Variants in SLC35F4 observed in about 807,000 individuals in gnomAD.
SLC35F4 encodes chromosome 14 open reading frame 36.
Under a neutral mutation model 44.2 loss-of-function variants are expected in SLC35F4, and 24 were observed. The ratio of observed to expected loss-of-function variants is 0.54; its 90% CI spans 0.39 to 0.76. The LOEUF (loss-of-function observed/expected upper bound fraction) is 0.76, where lower values mean the gene tolerates loss of function less well. Among genes scored for constraint, SLC35F4 ranks in the 30% least tolerant of loss-of-function variants. SLC35F4 has a pLI of 0.00. For missense variants in SLC35F4, 562 were observed against 586.1 expected, an observed-to-expected ratio of 0.96 and a Z score of 0.42; for synonymous variants, 238 against 223.6, an observed-to-expected ratio of 1.06 and a Z score of -0.57.
intron 1 of SLC35F4, among the ~76,000 whole-genome samples, chr14:57,880,984 ATT>A (rs1205211662): frequency 6.6e-6 from 1 of 152,178 alleles, no homozygotes; most frequent in African/African-American, 2.4e-5. Context: ...ATAATCAGAG[ATT>A]TGTTTGTTTG....
At chr14:57,930,754 G>C (rs976401904) in intron 1 of SLC35F4, among the ~76,000 whole-genome samples, 1 of 152,184 alleles carries the variant, frequency 6.6e-6, no homozygotes, top group Non-Finnish European at 1.5e-5. Context: ...AAATTCCTGA[G>C]GATGGAATTT....
rs548023723 is a variant in SLC35F4, at chr14:57,811,488, C to G, written c.103+54235G>C. Among the ~76,000 whole-genome samples, 7 of 152,140 alleles carry G rather than the reference C, an allele frequency of 4.6e-5. No individual in the cohort carries two copies. The South Asian group carries it at 8.3e-4, about 18-fold the overall frequency. On this transcript the variant is annotated intron_variant, in intron 1 of 7. Coordinates refer to ENST00000556826, the MANE Select transcript of SLC35F4 (RefSeq NM_001306087.2). Reference sequence around the variant, plus strand: ...TCCCCTTTCCACCTTCAAAGGACCACCACAGATGTGGAAGACGTGGTATTC... The same window carrying G: ...TCCCCTTTCCACCTTCAAAGGACCAGCACAGATGTGGAAGACGTGGTATTC...
chr14:57,779,817 A>G (rs2077574227), intron 1 of SLC35F4, among the ~76,000 whole-genome samples: 1 of 152,222 alleles, frequency 6.6e-6, no homozygotes, highest in Non-Finnish European at 1.5e-5. Flanking sequence ...GCATAAACAG[A>G]ACTAAAGACA....
In SLC35F4 at chr14:57,564,126, T is replaced by C; in HGVS notation, c.*9A>G. ...TATACATACACGTGCATTCAAAATA[T>C]GTCCCTCTCTAAGCCAGTGGTATAG... On this transcript the variant is annotated 3_prime_UTR_variant, in exon 8 of 8. Transcript: ENST00000556826. 1 of 1,613,346 alleles carries C rather than the reference T, an allele frequency of 6.2e-7. No homozygotes were observed.
At chr14:57,790,301 G>C (rs896659656) in intron 1 of SLC35F4, among the ~76,000 whole-genome samples, 9 of 152,024 alleles carry the variant, frequency 5.9e-5, no homozygotes, top group Middle Eastern at 3.2e-3. Context: ...AAAGTCTCAG[G>C]ATACAAAATC....
At chr14:57,925,782 A>T (rs181316014) in intron 1 of SLC35F4, among the ~76,000 whole-genome samples, 225 of 152,258 alleles carry the variant, frequency 1.5e-3, no homozygotes, top group Non-Finnish European at 2.7e-3. Context: ...AACAATACAT[A>T]AAAAAACCCA....
chr14:57,860,284 T>C (rs571465885), intron 1 of SLC35F4, among the ~76,000 whole-genome samples: 18 of 152,154 alleles, frequency 1.2e-4, no homozygotes, highest in Admixed American at 1.1e-3. Context: ...TAGAACCTGA[T>C]CACTAATGGA....
chr14:57,603,769 T>G (rs1397922971), intron 1 of SLC35F4, among the ~76,000 whole-genome samples: 1 of 152,214 alleles, frequency 6.6e-6, no homozygotes, highest in Non-Finnish European at 1.5e-5. Flanking sequence ...TTCATTTTGC[T>G]TAACAGCCCT....
intron 1 of SLC35F4, among the ~76,000 whole-genome samples, chr14:57,978,311 C>T (rs1218470920): frequency 6.6e-6 from 1 of 152,166 alleles, no homozygotes; most frequent in African/African-American, 2.4e-5. Context: ...CTGAAGACAG[C>T]TGTGATCTGT....
At chr14:57,767,667 AAAGAT>A (rs1397625521) in intron 1 of SLC35F4, among the ~76,000 whole-genome samples, 11 of 152,156 alleles carry the variant, frequency 7.2e-5, no homozygotes, top group South Asian at 2.1e-4. Flanking sequence ...AGATGGAAAT[AAAGAT>A]AATAGAATAA....
At chr14:57,928,137 T>C (rs1014689500) in intron 1 of SLC35F4, among the ~76,000 whole-genome samples, 2 of 151,712 alleles carry the variant, frequency 1.3e-5, no homozygotes, top group East Asian at 1.9e-4. Context: ...ATCCTTACCA[T>C]GCTATAATGA....
Position 57,949,649 on chromosome 14 carries a change from T to A in SLC35F4, n.282+32264A>T, listed in dbSNP as rs1890099430. On this transcript the variant is annotated intron_variant and non_coding_transcript_variant, in intron 1 of 1. Transcript: ENST00000556568. Reference sequence around the variant, plus strand: ...TGAGATTTAAGCTTTAAGAAGGTTCTATTTTGGTGTACTCTGAGGTTTTCT... The same window carrying A: ...TGAGATTTAAGCTTTAAGAAGGTTCAATTTTGGTGTACTCTGAGGTTTTCT... 2.0e-5 allele frequency among the ~76,000 whole-genome samples: 3 copies of A among 152,220 alleles called. 1 individual carries two copies. In the South Asian group the frequency reaches 6.2e-4, roughly 32 times the overall value.
At chr14:57,965,828 A>G (rs1413256382) in intron 1 of SLC35F4, among the ~76,000 whole-genome samples, 12 of 152,224 alleles carry the variant, frequency 7.9e-5, no homozygotes, top group Admixed American at 7.8e-4. Flanking sequence ...AAGTATGCCC[A>G]AAGATGTTTA....
chr14:57,964,981 A>G (rs958044948), intron 1 of SLC35F4, among the ~76,000 whole-genome samples: 2 of 120,738 alleles, frequency 1.7e-5, no homozygotes, highest in Non-Finnish European at 3.2e-5. Flanking sequence ...GGGGAAAAAA[A>G]AAAAAAAAAA....
intron 1 of SLC35F4, among the ~76,000 whole-genome samples, chr14:57,674,142 CA>C (rs1248354291): frequency 6.6e-6 from 1 of 151,726 alleles, no homozygotes; most frequent in African/African-American, 2.4e-5. Flanking sequence ...TAGAGAAATG[CA>C]AATTAAAACC....
chr14:57,888,025 A>T (rs150782645), intron 1 of SLC35F4, among the ~76,000 whole-genome samples: 2 of 152,282 alleles, frequency 1.3e-5, no homozygotes, highest in Middle Eastern at 3.4e-3. Flanking sequence ...AGCCGCTGGC[A>T]TCTCAGTTAA....
At chr14:57,624,380 A>G (rs1419732953) in intron 1 of SLC35F4, among the ~76,000 whole-genome samples, 1 of 152,224 alleles carries the variant, frequency 6.6e-6, no homozygotes, top group Non-Finnish European at 1.5e-5. Context: ...TACAAAGAGG[A>G]GCTGGTACCA....
At chr14:57,981,114 A>G (rs908173330) in intron 1 of SLC35F4, among the ~76,000 whole-genome samples, 74 of 152,196 alleles carry the variant, frequency 4.9e-4, no homozygotes, top group African/African-American at 1.6e-3. Context: ...CAAAGACAAC[A>G]GCCCGGGCAC....
intron 1 of SLC35F4, among the ~76,000 whole-genome samples, chr14:57,600,691 C>CA (rs67819924): frequency 0.023 from 1,290 of 55,312 alleles, 64 homozygotes; most frequent in African/African-American, 0.035. Context: ...GACTCCATCT[C>CA]AAAAAAAAAA....
Sources: allele counts gnomAD v4.1 joint callset (sites outside exome capture counted in the v4.1 genomes callset), GRCh38; gene constraint gnomAD v4.1.1; transcripts MANE v1.5; gene names NCBI Gene and HGNC (gene_info 2026-07-23, HGNC 2026-07-21).